The following PCDHA7 variants were observed in gnomAD, a reference collection of about 807,000 sequenced individuals.
PCDHA7 encodes protocadherin alpha-7.
A neutral mutation model predicts 57.2 loss-of-function variants in PCDHA7; 37 were observed. The observed-to-expected ratio is 0.65, with a 90% CI of 0.50 to 0.85. PCDHA7 has a LOEUF of 0.85. Ranked by LOEUF, PCDHA7 falls within the 40% of genes least tolerant of loss-of-function variation. The pLI is 0.00. For missense variants in PCDHA7, 1,188 were observed against 1,241.8 expected (o/e 0.96, Z 0.65); for synonymous variants, 553 against 558.8 (o/e 0.99, Z 0.15).
In PCDHA7 at chr5:141,005,148, G is replaced by T. The variant is rs528805353; in HGVS notation, c.2504-4479G>T. The stretch of plus-strand genomic sequence containing the variant: ...AAGTGCCTCATTGGAGAGTTGTTTG[G>T]TCTGCTAAAGAGTGGGTACCACTTT... On this transcript the variant is annotated intron_variant, in intron 3 of 3. Transcript: ENST00000525929. 3.3e-5 allele frequency among the ~76,000 whole-genome samples: 5 copies of T among 152,328 alleles called. No individual in the cohort carries two copies. The South Asian group carries it at 1.0e-3, about 32-fold the overall frequency.
chr5:140,850,259 C>G lies in PCDHA7; in HGVS notation c.2355+13521C>G, dbSNP rs2150476080. The stretch of plus-strand genomic sequence containing the variant: ...TGGTGCTGCGGTCGGTGGGCGCCGG[C>G]GTAGTGGTGGGGAAGGTGCGCGCAG... On this transcript the variant is annotated intron_variant, in intron 1 of 3. Transcript: ENST00000525929. 10 of 1,593,780 alleles carry G rather than the reference C, an allele frequency of 6.3e-6. 1 individual carries two copies. Among genetic ancestry groups the G allele is most frequent in the African/African-American group, 2.7e-5 (2 of 74,102 alleles).
In PCDHA7 at chr5:140,837,615, CCCTT is replaced by C. The variant is rs2150277487; in HGVS notation, c.2355+894_2355+897del. Among the ~76,000 whole-genome samples, 57 of 145,918 alleles carry C rather than the reference CCCTT, an allele frequency of 3.9e-4. 2 individuals carry two copies. Among genetic ancestry groups the C allele is most frequent in the South Asian group, 6.5e-4 (3 of 4,612 alleles). On this transcript the variant is annotated intron_variant, in intron 1 of 3. Coordinates refer to ENST00000525929, the MANE Select transcript of PCDHA7 (RefSeq NM_018910.3). ...CCAATATATATATTTTATAATTTGC[CCCTT>C]CCTTCCTTCCTTCCTTTCTTTCTTT...
intron 1 of PCDHA7, chr5:140,842,489 A>G (rs1778000282): frequency 6.2e-7 from 1 of 1,613,908 alleles, no homozygotes; most frequent in Middle Eastern, 1.6e-4. Context: ...CTGCTCCCTG[A>G]TGCCCCATGT....
intron 2 of PCDHA7, among the ~76,000 whole-genome samples, chr5:140,981,822 G>A (rs1229465317): frequency 6.6e-6 from 1 of 151,926 alleles, no homozygotes; most frequent in Non-Finnish European, 1.5e-5. Flanking sequence ...ATCTCTGCTT[G>A]CCTCTAAAGG....
chr5:140,872,950 G>A lies in PCDHA7; in HGVS notation c.2355+36212G>A, dbSNP rs185090422. ...AATGTTTTTGAAATTTTCTTTCCAC[G>A]TAGTATCATCCCATCTGAAGATTTG... On this transcript the variant is annotated intron_variant, in intron 1 of 3. Transcript: ENST00000525929. Among the ~76,000 whole-genome samples, 445 of 152,104 alleles carry A rather than the reference G, an allele frequency of 2.9e-3. 2 individuals carry two copies. Among genetic ancestry groups the A allele is most frequent in the Middle Eastern group, 0.014 (4 of 294 alleles).
intron 1 of PCDHA7, among the ~76,000 whole-genome samples, chr5:140,934,476 AATTAT>A (rs2089852464): frequency 6.6e-6 from 1 of 152,124 alleles, no homozygotes. Flanking sequence ...TTATTTTGAA[AATTAT>A]ATTCACCTCA....
intron 1 of PCDHA7, among the ~76,000 whole-genome samples, chr5:140,906,130 C>T (rs1554192409): frequency 6.6e-6 from 1 of 152,112 alleles, no homozygotes; most frequent in African/African-American, 2.4e-5. Flanking sequence ...AAATGTTAGT[C>T]TCCTTTGATA....
intron 1 of PCDHA7, chr5:140,858,272 G>A: frequency 6.3e-7 from 1 of 1,597,346 alleles, no homozygotes; most frequent in Non-Finnish European, 8.6e-7. Flanking sequence ...GTGCTCTAGC[G>A]CGGTGGGGAG....
intron 1 of PCDHA7, chr5:140,868,832 C>T: frequency 2.4e-6 from 1 of 420,492 alleles, no homozygotes; most frequent in Non-Finnish European, 4.1e-6. Context: ...GGAAGAAACC[C>T]AAAACACGTG....
chr5:140,883,109 T>C (rs782237873), intron 1 of PCDHA7: 95 of 1,613,962 alleles, frequency 5.9e-5, no homozygotes, highest in Non-Finnish European at 8.0e-5. Context: ...AGTTTACTCA[T>C]TTAGAAGGCC....
In PCDHA7 at chr5:140,843,325, G is replaced by T. The variant is rs2150357511; in HGVS notation, c.2355+6587G>T. ...CCGCCACGGCCACGGTTCTGGTGTC[G>T]CTGGTGGAGAGCGGCCAGGCTCCAA... On this transcript the variant is annotated intron_variant, in intron 1 of 3. Coordinates refer to ENST00000525929, the MANE Select transcript of PCDHA7 (RefSeq NM_018910.3). 5.0e-6 allele frequency: 8 copies of T among 1,596,050 alleles called. 2 individuals are homozygous for T. Among genetic ancestry groups the T allele is most frequent in the Non-Finnish European group, 6.0e-6 (7 of 1,165,566 alleles).
intron 1 of PCDHA7, chr5:140,869,908 CGAGACGAAG>C: frequency 6.2e-7 from 1 of 1,610,646 alleles, no homozygotes; most frequent in Non-Finnish European, 8.5e-7. Context: ...CGCCACAGAC[CGAGACGAAG>C]GAGTCAATGG....
At position 140,844,439 on chromosome 5, in the gene PCDHA7, C is replaced by T. The variant is rs1554140649; in HGVS notation, c.2355+7701C>T. Among the ~76,000 whole-genome samples, 3 of 149,204 alleles carry T rather than the reference C, an allele frequency of 2.0e-5. 1 individual carries two copies. Among genetic ancestry groups the T allele is most frequent in the African/African-American group, 7.4e-5 (3 of 40,780 alleles). ...TGTTTTTTATTCTACATGATTTTTA[C>T]AGTTGTATTGTCGCCAACTTAACAT... On this transcript the variant is annotated intron_variant, in intron 1 of 3. Coordinates refer to ENST00000525929, the MANE Select transcript of PCDHA7 (RefSeq NM_018910.3).
At chr5:140,866,798 C>T (rs900250117) in intron 1 of PCDHA7, 1 of 152,110 alleles carries the variant, frequency 6.6e-6, no homozygotes, top group Non-Finnish European at 1.5e-5. Context: ...TAGTAAAAGT[C>T]AGGCACAAAG....
In PCDHA7 at chr5:140,835,623, G is replaced by T; in HGVS notation, c.1240G>T (p.Asp414Tyr). 1.2e-6 allele frequency: 2 copies of T among 1,613,888 alleles called. No individual in the cohort carries two copies. Among genetic ancestry groups the T allele is most frequent in the Non-Finnish European group, 1.7e-6 (2 of 1,179,864 alleles). Residue 414 changes from aspartate (D) to tyrosine (Y), a missense_variant, in exon 1 of 4, where the codon GAC becomes TAC. Asp to Tyr is a radical substitution (Grantham distance 160). This residue lies in a region of PCDHA7 where 892 missense variants were observed against 788.5 expected (regional missense o/e 1.13). Transcript: ENST00000525929. ...TTCATTGGTGCTGGACAGCGCTCTG[G>T]ACCGCGAGAGTGTGTCCGCCTATGA... ...YYSLVLDSAL[D>Y]RESVSAYELV...
Position 140,835,620 on chromosome 5 carries a change from C to T in PCDHA7, c.1237C>T (p.Leu413=). The change falls in exon 1 of 4, where the codon CTG becomes TTG. Residue 413 remains leucine (L), a synonymous_variant. Transcript: ENST00000525929. ...CTATTCATTGGTGCTGGACAGCGCT[C>T]TGGACCGCGAGAGTGTGTCCGCCTA... ...NYYSLVLDSA[L]DRESVSAYEL... 2 of 1,613,942 alleles carry T rather than the reference C, an allele frequency of 1.2e-6. No homozygotes were observed. The highest frequency in any genetic ancestry group is 1.7e-6 in the Non-Finnish European group (2 of 1,179,880).
intron 1 of PCDHA7, among the ~76,000 whole-genome samples, chr5:140,931,261 A>G (rs1455233876): frequency 6.6e-6 from 1 of 152,152 alleles, no homozygotes; most frequent in African/African-American, 2.4e-5. Flanking sequence ...AAATTTCACT[A>G]TTTATTTCTT....
At chr5:140,976,637 A>G (rs781951504) in intron 1 of PCDHA7, among the ~76,000 whole-genome samples, 16 of 152,226 alleles carry the variant, frequency 1.1e-4, no homozygotes, top group Non-Finnish European at 1.5e-4. Flanking sequence ...CAGCAATCAG[A>G]CAAGTAATTT....
chr5:140,907,158 T>C (rs1482177408), intron 1 of PCDHA7, among the ~76,000 whole-genome samples: 1 of 152,146 alleles, frequency 6.6e-6, no homozygotes, highest in Non-Finnish European at 1.5e-5. Flanking sequence ...AACAGTACCA[T>C]ATATTGGATG....
Sources: gnomAD v4.1 joint callset for allele counts (sites outside exome capture counted in the v4.1 genomes callset) on GRCh38, gnomAD v4.1.1 for gene constraint, gnomAD v4.1.1 regional missense constraint, MANE v1.5 for transcripts, NCBI Gene and HGNC (gene_info 2026-07-23, HGNC 2026-07-21) for gene names.